The following LMF1 variants were observed in gnomAD, a reference collection of about 807,000 sequenced individuals.
LMF1 encodes transmembrane protein 112.
A neutral mutation model predicts 60.6 loss-of-function variants in LMF1; 68 were observed. The observed-to-expected ratio is 1.12, with a 90% CI of 0.92 to 1.37. The LOEUF is 1.37. Among genes scored for constraint, LMF1 ranks in the 40% most tolerant of loss-of-function variants. LMF1 has a pLI of 0.00. For missense variants in LMF1, 948 were observed against 767.2 expected, an observed-to-expected ratio of 1.24 and a Z score of -2.78; for synonymous variants, 418 against 324.7, an observed-to-expected ratio of 1.29 and a Z score of -3.09.
intron 4 of LMF1, chr16:899,554 CA>C (rs1356195819): frequency 7.2e-5 from 11 of 152,276 alleles, no homozygotes; most frequent in Non-Finnish European, 8.8e-5. Flanking sequence ...ATCCTGGCCT[CA>C]CAGGGCTGCA....
chr16:895,337 C>T (rs1391004724), intron 4 of LMF1, among the ~76,000 whole-genome samples: 3 of 152,346 alleles, frequency 2.0e-5, no homozygotes, highest in Middle Eastern at 3.4e-3. Flanking sequence ...GCTGTAGCCA[C>T]GTCTGCGAAA....
rs759181295 is a variant in LMF1, at chr16:970,805, G to A, written c.176C>T (p.Ala59Val). 1.3e-4 allele frequency: 201 copies of A among 1,541,520 alleles called. No individual in the cohort carries two copies. Among genetic ancestry groups the A allele is most frequent in the Admixed American group, 4.8e-4 (24 of 50,462 alleles). Residue 59 changes from alanine (A) to valine (V), a missense_variant, in exon 1 of 11, where the codon GCC (alanine) becomes GTC (valine). Physicochemically the swap from Ala to Val is moderately conservative, Grantham distance 64 (BLOSUM62 0). Coordinates refer to ENST00000262301, the MANE Select transcript of LMF1 (RefSeq NM_022773.4). ...FWLTRIVLLK[A>V]LAFVYFVAFL... ...GCACTCACAGTACACGAAGGCTAGG[G>A]CCTTCAGGAGCACGATCCGGGTCAG...
chr16:972,425 G>T (rs1038129481), upstream of LMF1, among the ~76,000 whole-genome samples: 1 of 152,122 alleles, frequency 6.6e-6, no homozygotes, highest in African/African-American at 2.4e-5. Flanking sequence ...CCTGGCTGGC[G>T]CCCGGCACCC....
At chr16:940,253 GAGTA>G (rs1193958025) in intron 2 of LMF1, among the ~76,000 whole-genome samples, 2 of 152,338 alleles carry the variant, frequency 1.3e-5, no homozygotes, top group Admixed American at 6.5e-5. Context: ...AACTGTGGAA[GAGTA>G]AGTGTTTCTT....
Position 897,339 on chromosome 16 carries a change from T to G in LMF1, c.664-4267A>C, listed in dbSNP as rs2070694271. Among the ~76,000 whole-genome samples, 2 of 152,170 alleles carry G rather than the reference T, an allele frequency of 1.3e-5. No homozygotes were observed. The highest frequency in any genetic ancestry group is 2.9e-5 in the Non-Finnish European group (2 of 68,028). On this transcript the variant is annotated intron_variant, in intron 4 of 10. Coordinates refer to ENST00000262301, the MANE Select transcript of LMF1 (RefSeq NM_022773.4). This position sits in a 1 kb window ranked among gnomAD's most constrained non-coding sequence, Gnocchi z 4.3. ...CAGCCCCCTGTGTACCCTTGCACAG[T>G]GGCTCAGGACAGACCCCCAGCCCCT...
At chr16:955,714 G>A (rs541431964) in intron 1 of LMF1, among the ~76,000 whole-genome samples, 2 of 152,330 alleles carry the variant, frequency 1.3e-5, no homozygotes, top group East Asian at 3.9e-4. Flanking sequence ...TAGAAGTAAA[G>A]TAGACATGTG....
At chr16:914,570 T>TCCCTC (rs2071220724) in intron 3 of LMF1, among the ~76,000 whole-genome samples, 1 of 1,806 alleles carries the variant, frequency 5.5e-4, no homozygotes. Flanking sequence ...ACACACTCCC[T>TCCCTC]CTTTCCCTCC....
Position 893,062 on chromosome 16 carries a change from T to G in LMF1, c.674A>C (p.Lys225Thr). 2 of 1,554,324 alleles carry G rather than the reference T, an allele frequency of 1.3e-6. No homozygotes were observed. The highest frequency in any genetic ancestry group is 1.7e-6 in the Non-Finnish European group (2 of 1,149,214). The change falls in exon 5 of 11, where the codon AAG becomes ACG. Residue 225 changes from lysine (K) to threonine (T), a missense_variant. Lys to Thr is a moderately conservative substitution (Grantham distance 78). Coordinates refer to ENST00000262301, the MANE Select transcript of LMF1 (RefSeq NM_022773.4). ...TCGCCAGCACCGGTCCCCCCGGATCTTGATCAGGCCCTGCAAGGAAGAGAG... is the reference window on the plus strand; with the variant it reads ...TCGCCAGCACCGGTCCCCCCGGATCGTGATCAGGCCCTGCAAGGAAGAGAG... ...FRIMLGAGLI[K>T]IRGDRCWRDL...
intron 2 of LMF1, among the ~76,000 whole-genome samples, chr16:947,113 C>T (rs892479747): frequency 1.3e-5 from 2 of 152,246 alleles, no homozygotes; most frequent in African/African-American, 2.4e-5. Context: ...AAGGAGGACA[C>T]GACCATGACC....
chr16:971,117 T>C, upstream of LMF1: 1 of 886,252 alleles, frequency 1.1e-6, no homozygotes, highest in Non-Finnish European at 1.5e-6. Flanking sequence ...CCGCTCACAG[T>C]CCCGGAGGCA....
chr16:979,165 A>ACCTC (rs1401458819), intron 1 of LMF1: 1 of 438,896 alleles, frequency 2.3e-6, no homozygotes, highest in Admixed American at 2.4e-5. Context: ...CCATCCCGAC[A>ACCTC]CCTCCCTCTC....
At chr16:964,059 ACGAGGAAATAC>A (rs752948124) in intron 1 of LMF1, 274 of 456,066 alleles carry the variant, frequency 6.0e-4, no homozygotes, top group Non-Finnish European at 8.8e-4. Context: ...GGGAGCTGCA[ACGAGGAAATAC>A]CGAGGAAATA....
intron 3 of LMF1, chr16:933,292 C>T (rs6600236): frequency 0.33 from 50,450 of 152,198 alleles, 9,656 homozygotes; most frequent in African/African-American, 0.52. Context: ...TTTGTATTTA[C>T]GTTTTAACAG....
intron 4 of LMF1, among the ~76,000 whole-genome samples, chr16:908,492 G>C (rs79672717): frequency 8.6e-5 from 13 of 151,808 alleles, no homozygotes; most frequent in African/African-American, 2.9e-4. Context: ...CCATGGCCCC[G>C]AGCACACCCG....
chr16:890,379 G>A (rs1215927141), intron 5 of LMF1, among the ~76,000 whole-genome samples: 1 of 152,178 alleles, frequency 6.6e-6, no homozygotes, highest in African/African-American at 2.4e-5. Flanking sequence ...GTTTTGAAAT[G>A]CGATTCCCCA....
intron 1 of LMF1, among the ~76,000 whole-genome samples, chr16:965,861 C>T (rs564336354): frequency 2.3e-4 from 35 of 152,198 alleles, no homozygotes; most frequent in African/African-American, 7.5e-4. Context: ...CCACCTGCTA[C>T]GGGTCAGCAC....
intron 9 of LMF1, chr16:869,425 G>A: frequency 1.8e-6 from 1 of 557,836 alleles, no homozygotes; most frequent in South Asian, 1.5e-5. Flanking sequence ...CCCCAGCCCT[G>A]GGGATTCCTT....
intron 10 of LMF1, chr16:855,951 T>A (rs1400731481): frequency 4.4e-6 from 2 of 455,764 alleles, no homozygotes; most frequent in Non-Finnish European, 8.8e-6. Flanking sequence ...TCTCTTTGGG[T>A]CTGGGTGTGT....
chr16:917,664 A>G (rs2071319474), intron 3 of LMF1, among the ~76,000 whole-genome samples: 1 of 152,306 alleles, frequency 6.6e-6, no homozygotes, highest in African/African-American at 2.4e-5. Flanking sequence ...CCTAAGAGAC[A>G]TGCCTGCCCC....
Sources: gnomAD v4.1 joint callset for allele counts (sites outside exome capture counted in the v4.1 genomes callset) on GRCh38, gnomAD v4.1.1 for gene constraint, Gnocchi (gnomAD v3.1) non-coding constraint, MANE v1.5 for transcripts, NCBI Gene and HGNC (gene_info 2026-07-23, HGNC 2026-07-21) for gene names.